The following SNX13 variants were observed in gnomAD, a reference collection of about 807,000 sequenced individuals.
The protein encoded by SNX13 is sorting nexin 13, also known as sorting nexin-13.
Under a neutral mutation model 133.6 loss-of-function variants are expected in SNX13, and 45 were observed. That is an observed-to-expected ratio of 0.34 (90% confidence interval 0.27 to 0.43). The LOEUF is 0.43. SNX13 is among the 20% of genes least tolerant of loss of function. The pLI is 1.00. For missense variants in SNX13, 1,032 were observed against 1,145.1 expected, an observed-to-expected ratio of 0.90 and a Z score of 1.43; for synonymous variants, 414 against 373.9, an observed-to-expected ratio of 1.11 and a Z score of -1.24.
At chr7:17,895,564 G>C (rs1319206253) in intron 2 of SNX13, among the ~76,000 whole-genome samples, 1 of 152,070 alleles carries the variant, frequency 6.6e-6, no homozygotes, top group Non-Finnish European at 1.5e-5. Flanking sequence ...ATATTCTCTA[G>C]AGTTTTTTAG....
intron 22 of SNX13, 59 bp downstream of exon 22, chr7:17,801,529 T>C (rs1030322731): frequency 5.3e-5 from 71 of 1,348,460 alleles, no homozygotes; most frequent in Non-Finnish European, 7.3e-5. Context: ...ATTAAAAAGT[T>C]AAAAAGATAT....
chr7:17,907,621 C>T (rs183078744), intron 1 of SNX13, among the ~76,000 whole-genome samples: 1 of 152,212 alleles, frequency 6.6e-6, no homozygotes, highest in East Asian at 1.9e-4. Flanking sequence ...CAGCAACACC[C>T]CCCCTGAAAA....
intron 1 of SNX13, among the ~76,000 whole-genome samples, chr7:17,938,442 T>C (rs1444255773): frequency 1.3e-5 from 2 of 152,198 alleles, no homozygotes; most frequent in African/African-American, 4.8e-5. Flanking sequence ...CTGAAAACTA[T>C]AGGGAAGACT....
At chr7:17,863,137 G>T (rs1792932324) in intron 9 of SNX13, among the ~76,000 whole-genome samples, 2 of 152,218 alleles carry the variant, frequency 1.3e-5, no homozygotes, top group South Asian at 4.1e-4. Context: ...ATTTAGACCA[G>T]CCCTGAGCCA....
At chr7:17,864,629 A>C (rs1444047038) in intron 9 of SNX13, among the ~76,000 whole-genome samples, 1 of 152,182 alleles carries the variant, frequency 6.6e-6, no homozygotes, top group African/African-American at 2.4e-5. Context: ...AAAACCCAGA[A>C]AAAAACATGA....
At chr7:17,876,299 G>T (rs758590899) in intron 5 of SNX13, among the ~76,000 whole-genome samples, 1 of 152,170 alleles carries the variant, frequency 6.6e-6, no homozygotes, top group Non-Finnish European at 1.5e-5. Context: ...ACTTGGCCAT[G>T]GCCAGGCACA....
chr7:17,799,228 C>G (rs2280629), intron 22 of SNX13, 74 bp from the exon 23 acceptor site: 1 of 1,241,750 alleles, frequency 8.1e-7, no homozygotes, highest in Non-Finnish European at 1.1e-6. Context: ...GTTGCTTTTA[C>G]GAAATGATTG....
At chr7:17,920,001 A>G (rs1279665680) in intron 1 of SNX13, among the ~76,000 whole-genome samples, 1 of 152,090 alleles carries the variant, frequency 6.6e-6, no homozygotes, top group Non-Finnish European at 1.5e-5. Context: ...TGAGTAAAGA[A>G]TAAAATTTTA....
At chr7:17,879,171 A>G (rs1223182317) in intron 5 of SNX13, among the ~76,000 whole-genome samples, 1 of 152,146 alleles carries the variant, frequency 6.6e-6, no homozygotes, top group Non-Finnish European at 1.5e-5. Context: ...TAAGGCACAG[A>G]TTGACTGTGT....
chr7:17,841,097 G>C (rs764656771), intron 12 of SNX13, among the ~76,000 whole-genome samples: 1 of 152,038 alleles, frequency 6.6e-6, no homozygotes, highest in Non-Finnish European at 1.5e-5. Flanking sequence ...TCAAATATTC[G>C]GATCTAGGCT....
chr7:17,890,597 T>A, intron 4 of SNX13, 113 bp from the exon 5 acceptor site: 1 of 644,590 alleles, frequency 1.6e-6, no homozygotes, highest in Non-Finnish European at 2.4e-6. Context: ...CTCTACGTAT[T>A]AATTTATGGT....
rs910213022 is a variant in SNX13, at chr7:17,793,084, C to T, written c.*961G>A. The T allele has an allele frequency of 1.3e-5, 2 of 152,024 alleles. No homozygotes were observed. The highest frequency in any genetic ancestry group is 1.3e-4 in the Admixed American group (2 of 15,186). 9.4% of individuals were successfully genotyped at this position (152,024 alleles called of 1,614,324 possible). On this transcript the variant is annotated 3_prime_UTR_variant, in exon 26 of 26. Coordinates refer to ENST00000428135, the MANE Select transcript of SNX13 (RefSeq NM_015132.5). ...ATAAGCTCATTAATCATTTAATTTG[C>T]TATTTCTGCAGTTACCTAAGGCATG... is the stretch of plus-strand genomic sequence containing the variant.
intron 1 of SNX13, among the ~76,000 whole-genome samples, chr7:17,918,709 C>G (rs1264451517): frequency 1.3e-5 from 2 of 152,078 alleles, no homozygotes; most frequent in African/African-American, 4.8e-5. Flanking sequence ...TCTTAAAGAA[C>G]TAAAAATGTA....
rs376030825 is a variant in SNX13, at chr7:17,801,738, T to C, written c.2227-79A>G. 103 of 1,045,434 alleles carry C rather than the reference T, an allele frequency of 9.9e-5. No homozygotes were observed. The African/African-American group carries it at 1.4e-3, about 14-fold the overall frequency. 64.8% of individuals were successfully genotyped at this position (1,045,434 alleles called of 1,614,324 possible). A position where few individuals can be genotyped will look rare whatever the true frequency, so the allele number is the denominator to read the frequency against. On this transcript the variant is annotated intron_variant, in intron 21 of 25. Transcript: ENST00000428135. Reference sequence around the variant, plus strand: ...AACACAACACAATCATAAACCTAAATGAGTATCAGCATTTGATCTGACTTT... The same window carrying C: ...AACACAACACAATCATAAACCTAAACGAGTATCAGCATTTGATCTGACTTT...
chr7:17,801,011 TATATA>T (rs1562651887), intron 22 of SNX13, among the ~76,000 whole-genome samples: 709 of 13,228 alleles, frequency 0.054, 38 homozygotes, highest in African/African-American at 0.073. Context: ...AAACTGAACA[TATATA>T]TATATATATA....
rs779354529 is a variant in SNX13, at chr7:17,798,720, T to C, written c.2483A>G (p.Glu828Gly). 4 of 1,571,260 alleles carry C rather than the reference T, an allele frequency of 2.5e-6. No individual in the cohort carries two copies. Among genetic ancestry groups the C allele is most frequent in the Non-Finnish European group, 3.4e-6 (4 of 1,162,402 alleles). Residue 828 changes from glutamate (E) to glycine (G), a missense_variant, in exon 24 of 26, where the codon GAA (glutamate) becomes GGA (glycine). Physicochemically the swap from Glu to Gly is moderately conservative, Grantham distance 98. Coordinates refer to ENST00000428135, the MANE Select transcript of SNX13 (RefSeq NM_015132.5). ...ACGTTTCACTGAGTCGGCTACTTGT[T>C]CAGGTGAAGTCATCCAGTCAACATG... ...VDHVDWMTSP[E>G]QVADSVKRFR...
At chr7:17,884,679 A>G (rs1449193300) in intron 5 of SNX13, among the ~76,000 whole-genome samples, 1 of 152,202 alleles carries the variant, frequency 6.6e-6, no homozygotes, top group Non-Finnish European at 1.5e-5. Context: ...GACACTGGGA[A>G]AAAAGTATGA....
At chr7:17,813,184 A>T (rs1050418077) in intron 20 of SNX13, among the ~76,000 whole-genome samples, 3 of 152,070 alleles carry the variant, frequency 2.0e-5, no homozygotes, top group African/African-American at 7.2e-5. Context: ...TTGTTTGGTT[A>T]AAAAAAAGTG....
chr7:17,924,526 A>G (rs1800509522), intron 1 of SNX13, among the ~76,000 whole-genome samples: 1 of 152,228 alleles, frequency 6.6e-6, no homozygotes, highest in African/African-American at 2.4e-5. Context: ...GAAATGTAAA[A>G]TAGTGCAGCC....
Sources: gnomAD v4.1 joint callset for allele counts (sites outside exome capture counted in the v4.1 genomes callset) on GRCh38, gnomAD v4.1.1 for gene constraint, MANE v1.5 for transcripts, NCBI Gene and HGNC (gene_info 2026-07-23, HGNC 2026-07-21) for gene names.